Variants in PARP14 observed in about 807,000 individuals in gnomAD.
PARP14 encodes the protein poly(ADP-ribose) polymerase family member 14.
PARP14 carries 59 observed loss-of-function variants against 154.2 expected under a neutral mutation model. The observed-to-expected ratio is 0.38, with a 90% CI of 0.31 to 0.48. The LOEUF (loss-of-function observed/expected upper bound fraction) is 0.48. Among genes scored for constraint, PARP14 ranks in the 20% least tolerant of loss-of-function variants. The pLI is 0.98. For missense variants in PARP14, 1,734 were observed against 2,131.6 expected (o/e 0.81, Z 3.67); for synonymous variants, 720 against 780.5 (o/e 0.92, Z 1.29).
At chr3:122,685,341 TA>T (rs1266500174) in intron 2 of PARP14, 23 bp downstream of exon 2, 1 of 1,609,900 alleles carries the variant, frequency 6.2e-7, no homozygotes, top group East Asian at 2.2e-5. Context: ...TAGGCATGAA[TA>T]AAAGGGATTT....
At chr3:122,722,513 T>C (rs1466772620) in intron 15 of PARP14, 2 of 152,244 alleles carry the variant, frequency 1.3e-5, no homozygotes, top group African/African-American at 2.4e-5. Flanking sequence ...GGCCAGAGAA[T>C]TGATTTCAAC....
chr3:122,707,339 CCACTA>C (rs1394656252), intron 8 of PARP14, among the ~76,000 whole-genome samples: 1 of 150,144 alleles, frequency 6.7e-6, no homozygotes, highest in Non-Finnish European at 1.5e-5. Context: ...CAAGATTGTG[CCACTA>C]CACTCCAGCC....
At chr3:122,711,952 A>G (rs1253077158) in intron 9 of PARP14, among the ~76,000 whole-genome samples, 2 of 151,940 alleles carry the variant, frequency 1.3e-5, no homozygotes, top group African/African-American at 4.8e-5. Context: ...TTTCTAATTG[A>G]GCTTATTTGG....
intron 12 of PARP14, 26 bp from the exon 13 acceptor site, chr3:122,718,045 A>C (rs773806674): frequency 6.2e-7 from 1 of 1,601,278 alleles, no homozygotes; most frequent in South Asian, 1.1e-5. Flanking sequence ...TTTGTCCTTC[A>C]GCAATTTTAT....
At chr3:122,688,124 A>C (rs1025731535) in intron 3 of PARP14, among the ~76,000 whole-genome samples, 1 of 151,292 alleles carries the variant, frequency 6.6e-6, no homozygotes, top group African/African-American at 2.4e-5. Flanking sequence ...CCTGCTTTCC[A>C]TTCCTCACTT....
intron 4 of PARP14, 83 bp downstream of exon 4, chr3:122,692,626 G>C (rs1033573481): frequency 7.4e-6 from 9 of 1,215,800 alleles, no homozygotes; most frequent in African/African-American, 1.5e-5. Flanking sequence ...GGACATCTCT[G>C]AAAGTTTGAC....
At position 122,722,455 on chromosome 3, in the gene PARP14, A is replaced by G. The variant is rs376806465; in HGVS notation, c.4941+2067A>G. 9.2e-5 allele frequency: 14 copies of G among 152,326 alleles called. 2 individuals are homozygous for G. Among genetic ancestry groups the G allele is most frequent in the South Asian group, 2.1e-4 (1 of 4,828 alleles). 9.4% of individuals were successfully genotyped at this position (152,326 alleles called of 1,614,324 possible). ...GAATGAATGTTCTGCTTGACCAGCA[A>G]TATCTACAGTGGGCCCTGTGGATGC... is the stretch of plus-strand genomic sequence containing the variant. On this transcript the variant is annotated intron_variant, in intron 15 of 16. Coordinates refer to ENST00000474629, the MANE Select transcript of PARP14 (RefSeq NM_017554.3).
Position 122,700,112 on chromosome 3 carries a change from G to T in PARP14, c.1558G>T (p.Ala520Ser). 6.2e-7 allele frequency: 1 copy of T among 1,613,732 alleles called. No individual in the cohort carries two copies. The highest frequency in any genetic ancestry group is 8.5e-7 in the Non-Finnish European group (1 of 1,179,734). ...LKGPSADVYK[A>S]KCEIQEKVYT... is the part of the protein sequence containing the mutation. ...AGGACCTAGTGCAGATGTGTATAAA[G>T]CAAAGTGTGAAATCCAGGAAAAGGT... The change falls in exon 6 of 17, where the codon GCA becomes TCA. Residue 520 changes from alanine to serine, a missense_variant. By Grantham distance (99) the Ala-to-Ser change is moderately conservative. Coordinates refer to ENST00000474629, the MANE Select transcript of PARP14 (RefSeq NM_017554.3).
intron 9 of PARP14, among the ~76,000 whole-genome samples, chr3:122,709,556 C>T (rs1040943038): frequency 6.6e-6 from 1 of 151,892 alleles, no homozygotes; most frequent in African/African-American, 2.4e-5. Context: ...GGGTAGATAC[C>T]CAGTAGTGGG....
Position 122,685,891 on chromosome 3 carries a change from T to C in PARP14, c.321+573T>C, listed in dbSNP as rs561780517. On this transcript the variant is annotated intron_variant, in intron 2 of 16. Coordinates refer to ENST00000474629, the MANE Select transcript of PARP14 (RefSeq NM_017554.3). Reference sequence around the variant, plus strand: ...AATAATGGTGGTTTTGGATGTAAAATTTGGGGTCTGTGTCTCCAGAGTTCT... The same window carrying C: ...AATAATGGTGGTTTTGGATGTAAAACTTGGGGTCTGTGTCTCCAGAGTTCT... 9.2e-5 allele frequency among the ~76,000 whole-genome samples: 14 copies of C among 152,258 alleles called. No homozygotes were observed. The South Asian group carries it at 2.7e-3, about 29-fold the overall frequency.
intron 3 of PARP14, among the ~76,000 whole-genome samples, chr3:122,690,498 C>T (rs61416729): frequency 0.06 from 9,112 of 152,166 alleles, 314 homozygotes; most frequent in Middle Eastern, 0.088. Flanking sequence ...AGTAACCTAA[C>T]ACAACACAAG....
chr3:122,715,127 G>A (rs901985865), intron 12 of PARP14, among the ~76,000 whole-genome samples: 2 of 151,798 alleles, frequency 1.3e-5, no homozygotes, highest in Non-Finnish European at 2.9e-5. Flanking sequence ...ATTATACTGG[G>A]GTACATGGGC....
intron 8 of PARP14, among the ~76,000 whole-genome samples, chr3:122,707,547 A>G (rs1939198308): frequency 6.6e-6 from 1 of 152,160 alleles, no homozygotes; most frequent in South Asian, 2.1e-4. Flanking sequence ...CCAAGGCAGG[A>G]GGATCACTTG....
Position 122,726,381 on chromosome 3 carries a change from T to C in PARP14, c.4942-1431T>C, listed in dbSNP as rs1023925563. On this transcript the variant is annotated intron_variant, in intron 15 of 16. Coordinates refer to ENST00000474629, the MANE Select transcript of PARP14 (RefSeq NM_017554.3). ...CATAGAAGTTTGGATGGCAATTATT[T>C]TCTTTCAGCACTTTGAAGAAATTAT... Among the ~76,000 whole-genome samples the C allele has an allele frequency of 4.6e-5, 7 of 152,358 alleles. No individual in the cohort carries two copies. In the South Asian group the frequency reaches 1.4e-3, roughly 32 times the overall value.
intron 15 of PARP14, chr3:122,721,009 A>G (rs1933153401): frequency 3.2e-6 from 1 of 315,302 alleles, no homozygotes; most frequent in African/African-American, 2.3e-5. Context: ...TGCTGTTTGA[A>G]ATTATATTTT....
rs1938959214 is a variant in PARP14, at chr3:122,701,177, C to T, written c.2623C>T (p.His875Tyr). 2 of 1,613,506 alleles carry T rather than the reference C, an allele frequency of 1.2e-6. No individual in the cohort carries two copies. The highest frequency in any genetic ancestry group is 1.3e-5 in the African/African-American group (1 of 74,908). The stretch of plus-strand genomic sequence containing the variant: ...CTCCAAGGCAGGAAAGCTGCCCTAC[C>T]ACCACGTGATCCATGCAGTGGGGCC... ...TISKAGKLPY[H>Y]HVIHAVGPRW... is the part of the protein sequence containing the mutation. The change falls in exon 6 of 17, where the codon CAC (histidine) becomes TAC (tyrosine). Residue 875 changes from histidine (H) to tyrosine (Y), a missense_variant. This residue lies in a region of PARP14 where 1,646 missense variants were observed against 1,976.0 expected (regional missense o/e 0.83). Coordinates refer to ENST00000474629, the MANE Select transcript of PARP14 (RefSeq NM_017554.3). This position sits in a 1 kb window ranked among gnomAD's most constrained non-coding sequence, Gnocchi z 4.0.
At chr3:122,721,044 T>G (rs1446812107) in intron 15 of PARP14, 2 of 328,314 alleles carry the variant, frequency 6.1e-6, no homozygotes, top group African/African-American at 4.5e-5. Context: ...GCAAAATTAT[T>G]ATGATTTTTT....
chr3:122,699,923 A>G lies in PARP14; in HGVS notation c.1369A>G (p.Thr457Ala). Residue 457 changes from threonine (T) to alanine (A), a missense_variant, in exon 6 of 17, where the codon ACT (threonine) becomes GCT (alanine). Physicochemically the swap from Thr to Ala is moderately conservative, Grantham distance 58 (BLOSUM62 0). Coordinates refer to ENST00000474629, the MANE Select transcript of PARP14 (RefSeq NM_017554.3). ...VQVRELIEST[T>A]QKIKREEQSL... is the part of the protein sequence containing the mutation. Reference sequence around the variant, plus strand: ...AGTCAGGGAGTTAATAGAAAGCACTACTCAAAAAATTAAAAGGGAAGAGCA... The same window carrying G: ...AGTCAGGGAGTTAATAGAAAGCACTGCTCAAAAAATTAAAAGGGAAGAGCA... 1 of 1,613,994 alleles carries G rather than the reference A, an allele frequency of 6.2e-7. No homozygotes were observed.
intron 6 of PARP14, among the ~76,000 whole-genome samples, chr3:122,702,825 A>G (rs760193447): frequency 2.6e-5 from 4 of 152,026 alleles, no homozygotes; most frequent in Non-Finnish European, 5.9e-5. Flanking sequence ...GACACCAAAT[A>G]TCAAGACATT....
Sources: gnomAD v4.1 joint callset for allele counts (sites outside exome capture counted in the v4.1 genomes callset) on GRCh38, gnomAD v4.1.1 for gene constraint, gnomAD v4.1.1 regional missense constraint, Gnocchi (gnomAD v3.1) non-coding constraint, MANE v1.5 for transcripts, NCBI Gene and HGNC (gene_info 2026-07-23, HGNC 2026-07-21) for gene names.